Variants in PDZD9 observed in about 807,000 individuals in gnomAD.
PDZD9 encodes PDZ domain-containing protein 9.
Under a neutral mutation model 16.3 loss-of-function variants are expected in PDZD9, and 13 were observed. That is an observed-to-expected ratio of 0.80 (90% CI 0.52 to 1.27). PDZD9 has a LOEUF of 1.27. Among genes scored for constraint, PDZD9 ranks in the 50% most tolerant of loss-of-function variants. The probability of loss-of-function intolerance (pLI) is 0.00; values close to 1 mark genes in which losing one functional copy is unlikely to be tolerated. For missense variants in PDZD9, 288 were observed against 310.9 expected (o/e 0.93, Z 0.55); for synonymous variants, 120 against 111.0 (o/e 1.08, Z -0.51).
At chr16:21,962,526 T>C in the PDZD9 span, 1 of 1,614,172 alleles carries the variant, frequency 6.2e-7, no homozygotes, top group Non-Finnish European at 8.5e-7. Flanking sequence ...TGTAAGTACC[T>C]GTGTGTGTTT....
At chr16:21,992,179 T>C (rs1459222888) in intron 2 of PDZD9, among the ~76,000 whole-genome samples, 1 of 152,128 alleles carries the variant, frequency 6.6e-6, no homozygotes, top group Non-Finnish European at 1.5e-5. Context: ...CAGTGAGCTA[T>C]GATTGCGCCA....
At chr16:21,989,017 C>T (rs1898958400) in intron 2 of PDZD9, among the ~76,000 whole-genome samples, 1 of 151,194 alleles carries the variant, frequency 6.6e-6, no homozygotes, top group Non-Finnish European at 1.5e-5. Context: ...CAAGCTCCGC[C>T]TCCCAGGTTC....
At chr16:21,962,578 G>C in the PDZD9 span, 1 of 1,609,580 alleles carries the variant, frequency 6.2e-7, no homozygotes, top group Non-Finnish European at 8.5e-7. Context: ...GCTCACTTCT[G>C]GTCTTTGTAA....
the PDZD9 span, among the ~76,000 whole-genome samples, chr16:21,972,369 A>T: frequency 6.6e-6 from 1 of 152,194 alleles, no homozygotes; most frequent in South Asian, 2.1e-4. Flanking sequence ...AATAAAGGGA[A>T]TCCACACATC....
the PDZD9 span, among the ~76,000 whole-genome samples, chr16:21,963,663 C>T: frequency 2.0e-5 from 3 of 151,802 alleles, no homozygotes; most frequent in Non-Finnish European, 4.4e-5. Flanking sequence ...GAGATGAGGT[C>T]TCACTCTATT....
At chr16:22,000,358 CAA>C (rs113217873) in intron 1 of PDZD9, among the ~76,000 whole-genome samples, 1 of 115,172 alleles carries the variant, frequency 8.7e-6, no homozygotes. Flanking sequence ...ATGGAAAAGG[CAA>C]AAAAAAAAAA....
At chr16:21,965,371 G>A in the PDZD9 span, 6 of 1,582,910 alleles carry the variant, frequency 3.8e-6, no homozygotes, top group Non-Finnish European at 5.2e-6. Flanking sequence ...TTTACTGAAA[G>A]TGCATTTCCC....
intron 1 of PDZD9, chr16:21,998,412 T>G (rs914995703): frequency 1.1e-5 from 2 of 174,586 alleles, no homozygotes; most frequent in Non-Finnish European, 2.5e-5. Flanking sequence ...CAAAAAAAAC[T>G]TTGTGCAAGG....
downstream of PDZD9, chr16:21,983,513 A>G (rs1420543391): frequency 9.3e-6 from 3 of 323,222 alleles, no homozygotes; most frequent in African/African-American, 6.4e-5. Flanking sequence ...AAATAGTGCC[A>G]GATTACTATT....
chr16:21,964,948 G>T, the PDZD9 span, among the ~76,000 whole-genome samples: 1 of 152,224 alleles, frequency 6.6e-6, no homozygotes, highest in Non-Finnish European at 1.5e-5. Context: ...AGAGGAGTAA[G>T]TCCCAGTGGA....
At chr16:21,971,470 C>G in the PDZD9 span, 1 of 1,380,844 alleles carries the variant, frequency 7.2e-7, no homozygotes, top group Non-Finnish European at 1.0e-6. Flanking sequence ...AAATATTTTA[C>G]GATTGTGTTT....
At chr16:21,976,029 A>G in the PDZD9 span, 1 of 572,536 alleles carries the variant, frequency 1.7e-6, no homozygotes, top group Non-Finnish European at 3.1e-6. Flanking sequence ...TAGTGATGAC[A>G]GCATTCCGCA....
chr16:21,998,801 A>AAAAAAAAG (rs1414163456), intron 1 of PDZD9: 1 of 151,514 alleles, frequency 6.6e-6, no homozygotes. Flanking sequence ...AAAAAAAAAA[A>AAAAAAAAG]AGAGAGAGAA....
At chr16:21,965,843 G>A in the PDZD9 span, among the ~76,000 whole-genome samples, 2 of 152,110 alleles carry the variant, frequency 1.3e-5, no homozygotes, top group Non-Finnish European at 2.9e-5. Context: ...CTGTGTGTAT[G>A]TATCTTTTTT....
At chr16:21,980,478 C>T (rs906450250), downstream of PDZD9, 14 of 1,545,072 alleles carry the variant, frequency 9.1e-6, no homozygotes, top group African/African-American at 8.3e-5. Context: ...CACAGCCCCC[C>T]GCCACCACTC....
rs1308176083 is a variant in PDZD9, at chr16:21,988,601, C to T, written c.401+1G>A. On this transcript the variant is annotated splice_donor_variant, in intron 3 of 3. Coordinates refer to ENST00000424898, the MANE Select transcript of PDZD9 (RefSeq NM_001363519.1). LOFTEE classifies it high-confidence loss of function. ...AAGAGTTCCTAAAATGAACTATTTA[C>T]CTTGTTACTGGGAATTTGGCCTCAG... is the stretch of plus-strand genomic sequence containing the variant. 1.2e-6 allele frequency: 2 copies of T among 1,604,320 alleles called. No individual in the cohort carries two copies. The highest frequency in any genetic ancestry group is 1.7e-6 in the Non-Finnish European group (2 of 1,173,178).
At chr16:21,973,117 A>C in the PDZD9 span, among the ~76,000 whole-genome samples, 1 of 152,132 alleles carries the variant, frequency 6.6e-6, no homozygotes, top group Non-Finnish European at 1.5e-5. Flanking sequence ...TATATAAATA[A>C]ATAAATAAAA....
the PDZD9 span, chr16:21,971,791 G>T: frequency 5.8e-6 from 8 of 1,370,716 alleles, no homozygotes; most frequent in African/African-American, 1.1e-4. Flanking sequence ...TTGGGGACAG[G>T]ATGGCATGGG....
At chr16:21,980,554 C>T (rs772826914), downstream of PDZD9, 3 of 1,613,676 alleles carry the variant, frequency 1.9e-6, no homozygotes, top group Admixed American at 5.0e-5. Context: ...CAGGAACAAG[C>T]TGAAAGCTGG....
Sources: allele counts gnomAD v4.1 joint callset (sites outside exome capture counted in the v4.1 genomes callset), GRCh38; gene constraint gnomAD v4.1.1; transcripts MANE v1.5; gene names NCBI Gene and HGNC (gene_info 2026-07-23, HGNC 2026-07-21).